NCAM2: variants seen among roughly 807,000 people sequenced by gnomAD.
NCAM2 encodes neural cell adhesion molecule 2, also known as N-CAM-2.
A neutral mutation model predicts 98.1 loss-of-function variants in NCAM2; 30 were observed. The observed-to-expected ratio is 0.31, with a 90% CI of 0.23 to 0.41. NCAM2 has a LOEUF of 0.41. Among genes scored for constraint, NCAM2 ranks in the 10% least tolerant of loss-of-function variants. The probability of loss-of-function intolerance (pLI) is 1.00; values close to 1 mark genes in which losing one functional copy is unlikely to be tolerated. For missense variants in NCAM2, 867 were observed against 1,005.8 expected, an observed-to-expected ratio of 0.86 and a Z score of 1.87; for synonymous variants, 368 against 342.4, an observed-to-expected ratio of 1.07 and a Z score of -0.83.
At chr21:21,359,537 G>A (rs1438426980) in intron 8 of NCAM2, among the ~76,000 whole-genome samples, 2 of 151,750 alleles carry the variant, frequency 1.3e-5, no homozygotes, top group East Asian at 3.9e-4. Flanking sequence ...TTATTTTGAA[G>A]TCTATAATAA....
At chr21:21,140,336 T>C (rs1313110820) in intron 1 of NCAM2, among the ~76,000 whole-genome samples, 3 of 152,160 alleles carry the variant, frequency 2.0e-5, no homozygotes, top group African/African-American at 7.2e-5. Context: ...ATTTTGGTAA[T>C]GTTGGCTAGA....
At chr21:21,229,327 G>A (rs2070523205) in intron 1 of NCAM2, among the ~76,000 whole-genome samples, 1 of 151,524 alleles carries the variant, frequency 6.6e-6, no homozygotes, top group Non-Finnish European at 1.5e-5. Flanking sequence ...TCATTTCATA[G>A]TGTTGACTTT....
intron 5 of NCAM2, among the ~76,000 whole-genome samples, chr21:21,295,355 C>T (rs918563386): frequency 6.6e-6 from 1 of 151,758 alleles, no homozygotes; most frequent in Non-Finnish European, 1.5e-5. Flanking sequence ...TTCTTACCTC[C>T]CTCTGTGACT....
chr21:21,362,610 A>G (rs2075676043), intron 8 of NCAM2, among the ~76,000 whole-genome samples: 1 of 152,270 alleles, frequency 6.6e-6, no homozygotes, highest in Non-Finnish European at 1.5e-5. Context: ...TGTTTCCTCC[A>G]TAAATCCTAG....
intron 1 of NCAM2, among the ~76,000 whole-genome samples, chr21:21,004,752 T>C (rs897880627): frequency 2.6e-5 from 4 of 152,140 alleles, no homozygotes; most frequent in Non-Finnish European, 5.9e-5. Flanking sequence ...CATAATCCTC[T>C]ATTAGCTTGT....
At chr21:21,182,427 T>G (rs547107286) in intron 1 of NCAM2, among the ~76,000 whole-genome samples, 1 of 152,318 alleles carries the variant, frequency 6.6e-6, no homozygotes, top group African/African-American at 2.4e-5. Context: ...TATTTTCACA[T>G]TAAATCCAGA....
At chr21:21,529,327 G>C (rs1989498580) in intron 16 of NCAM2, among the ~76,000 whole-genome samples, 1 of 152,014 alleles carries the variant, frequency 6.6e-6, no homozygotes, top group Non-Finnish European at 1.5e-5. Context: ...TCCAACGCAG[G>C]TATAAGGAAC....
At chr21:21,265,487 C>T (rs1366748108) in intron 1 of NCAM2, among the ~76,000 whole-genome samples, 6 of 131,566 alleles carry the variant, frequency 4.6e-5, no homozygotes, top group Non-Finnish European at 6.4e-5. Flanking sequence ...ATTATATATA[C>T]ACATATATAA....
chr21:21,491,985 G>T (rs1014605114), intron 15 of NCAM2, among the ~76,000 whole-genome samples: 1 of 151,378 alleles, frequency 6.6e-6, no homozygotes, highest in African/African-American at 2.4e-5. Context: ...CAAATGGAGG[G>T]TATCTTGGAA....
chr21:21,512,987 G>A (rs1189600976), intron 16 of NCAM2, among the ~76,000 whole-genome samples: 2 of 151,880 alleles, frequency 1.3e-5, no homozygotes, highest in Non-Finnish European at 2.9e-5. Context: ...TTTTTTGGTG[G>A]AGTTTTTAGC....
intron 1 of NCAM2, among the ~76,000 whole-genome samples, chr21:21,077,499 A>G (rs1449987464): frequency 1.3e-5 from 2 of 152,176 alleles, no homozygotes; most frequent in Non-Finnish European, 2.9e-5. Context: ...TGAGGCCCAC[A>G]GTGTAACATT....
chr21:21,495,297 A>G (rs957198307), intron 15 of NCAM2, among the ~76,000 whole-genome samples: 1 of 152,040 alleles, frequency 6.6e-6, no homozygotes, highest in Non-Finnish European at 1.5e-5. Context: ...CTAATCATAT[A>G]TAAGGGGCTG....
chr21:21,332,326 T>C (rs925918822), intron 6 of NCAM2, among the ~76,000 whole-genome samples: 1 of 152,290 alleles, frequency 6.6e-6, no homozygotes, highest in East Asian at 1.9e-4. Context: ...AAGTTTTATT[T>C]GAGGGAGAGC....
At chr21:21,126,615 A>G (rs2066831046) in intron 1 of NCAM2, among the ~76,000 whole-genome samples, 1 of 152,008 alleles carries the variant, frequency 6.6e-6, no homozygotes, top group African/African-American at 2.4e-5. Flanking sequence ...TATTTGATAT[A>G]TTTGTTGAAG....
intron 1 of NCAM2, among the ~76,000 whole-genome samples, chr21:21,167,296 A>G (rs1313940124): frequency 6.6e-6 from 1 of 152,094 alleles, no homozygotes; most frequent in Non-Finnish European, 1.5e-5. Context: ...TTAGATGTAG[A>G]TTTTGAAGAA....
chr21:21,001,914 A>T (rs969139284), intron 1 of NCAM2, among the ~76,000 whole-genome samples: 2 of 152,166 alleles, frequency 1.3e-5, no homozygotes, highest in Non-Finnish European at 2.9e-5. Context: ...ACCTTCTAAA[A>T]ATAGAGCACA....
chr21:21,053,665 TCA>T (rs2065157294), intron 1 of NCAM2, among the ~76,000 whole-genome samples: 1 of 151,204 alleles, frequency 6.6e-6, no homozygotes, highest in African/African-American at 2.4e-5. Flanking sequence ...TCTCATTTTT[TCA>T]TTTTTTTTGT....
chr21:21,090,338 C>G (rs1259570190), intron 1 of NCAM2, among the ~76,000 whole-genome samples: 4 of 152,042 alleles, frequency 2.6e-5, no homozygotes, highest in Non-Finnish European at 5.9e-5. Context: ...TTTCTGGGAA[C>G]ACTAAAACAT....
chr21:21,317,575 C>G (rs2074256507), intron 5 of NCAM2, among the ~76,000 whole-genome samples: 1 of 152,064 alleles, frequency 6.6e-6, no homozygotes, highest in South Asian at 2.1e-4. Context: ...GAGTCTTGCT[C>G]TGTTGACCAG....
Sources: gnomAD v4.1 joint callset for allele counts (sites outside exome capture counted in the v4.1 genomes callset) on GRCh38, gnomAD v4.1.1 for gene constraint, MANE v1.5 for transcripts, NCBI Gene and HGNC (gene_info 2026-07-23, HGNC 2026-07-21) for gene names.